Variants in ADAP2 observed in about 807,000 individuals in gnomAD.
ADAP2 encodes arf-GAP with dual PH domain-containing protein 2.
Under a neutral mutation model 54.9 loss-of-function variants are expected in ADAP2, and 42 were observed. The observed-to-expected ratio is 0.77, with a 90% CI of 0.60 to 0.99. ADAP2 has a LOEUF of 0.99. ADAP2 is among the 50% of genes least tolerant of loss of function. ADAP2 has a pLI of 0.00. For synonymous variants in ADAP2, 177 were observed against 180.1 expected, an observed-to-expected ratio of 0.98 and a Z score of 0.14; for missense variants, 429 against 480.4, an observed-to-expected ratio of 0.89 and a Z score of 1.00.
intron 6 of ADAP2, among the ~76,000 whole-genome samples, chr17:30,946,700 G>A (rs1912705326): frequency 6.6e-6 from 1 of 152,148 alleles, no homozygotes; most frequent in African/African-American, 2.4e-5. Flanking sequence ...ACTCCCCTGG[G>A]CACTGCTTTT....
intron 4 of ADAP2, among the ~76,000 whole-genome samples, chr17:30,933,469 T>TG (rs2142527732): frequency 6.6e-6 from 1 of 152,128 alleles, no homozygotes; most frequent in East Asian, 1.9e-4. Flanking sequence ...ATTACAGGTG[T>TG]GAGCCATTGC....
In ADAP2 at chr17:30,958,182, A is replaced by G; in HGVS notation, c.*313A>G. The stretch of plus-strand genomic sequence containing the variant: ...CTGAAATGGAGGCATTGCAATGAAA[A>G]GGCACCCACAGCATCATGCAAGTGG... On this transcript the variant is annotated 3_prime_UTR_variant, in exon 11 of 11. Coordinates refer to ENST00000330889, the MANE Select transcript of ADAP2 (RefSeq NM_018404.3). 2 of 366,040 alleles carry G rather than the reference A, an allele frequency of 5.5e-6. No individual in the cohort carries two copies. Among genetic ancestry groups the G allele is most frequent in the Non-Finnish European group, 1.0e-5 (2 of 199,200 alleles). 22.7% of individuals were successfully genotyped at this position (366,040 alleles called of 1,614,324 possible). A position where few individuals can be genotyped will look rare whatever the true frequency, so the allele number is the denominator to read the frequency against.
At chr17:30,944,759 C>A in intron 5 of ADAP2, 148 bp from the exon 6 acceptor site, 1 of 847,436 alleles carries the variant, frequency 1.2e-6, no homozygotes, top group Non-Finnish European at 1.8e-6. Context: ...TGCGTCCGGC[C>A]AGTATCTGAA....
At chr17:30,935,461 G>A (rs1911804571) in intron 5 of ADAP2, among the ~76,000 whole-genome samples, 1 of 152,174 alleles carries the variant, frequency 6.6e-6, no homozygotes, top group South Asian at 2.1e-4. Flanking sequence ...AGAGTGATCA[G>A]GGAAGGCCTC....
chr17:30,942,810 A>T (rs1167194561), intron 5 of ADAP2, among the ~76,000 whole-genome samples: 1 of 152,252 alleles, frequency 6.6e-6, no homozygotes, highest in Non-Finnish European at 1.5e-5. Context: ...AATGCTCAAC[A>T]TCACTAATCA....
In ADAP2 at chr17:30,944,512, T is replaced by C. The variant is rs73267729; in HGVS notation, c.511-395T>C. Among the ~76,000 whole-genome samples the C allele has an allele frequency of 1.4e-3, 207 of 152,196 alleles. 2 individuals are homozygous for C. The highest frequency in any genetic ancestry group is 4.7e-3 in the African/African-American group (195 of 41,540). On this transcript the variant is annotated intron_variant, in intron 5 of 10. Transcript: ENST00000330889. ...AATTAGCCAGGTGTGGTGGCTAGAG[T>C]GCAGTGGCACGATCTCAGCTCACTG...
rs776664165 is a variant in ADAP2, at chr17:30,934,224, A to G, written c.437A>G (p.Asn146Ser). 1.9e-6 allele frequency: 3 copies of G among 1,614,072 alleles called. No homozygotes were observed. Among genetic ancestry groups the G allele is most frequent in the Non-Finnish European group, 8.5e-7 (1 of 1,179,980 alleles). The change falls in exon 5 of 11, where the codon AAC (asparagine) becomes AGC (serine). Residue 146 changes from asparagine to serine, a missense_variant. Asn to Ser is a conservative substitution (Grantham distance 46). Transcript: ENST00000330889. ...TTCCTGTGGAAGCGAGGAAGGGACA[A>G]CTCACAGTTTCTGAGAAGGAAGTTT... ...EGFLWKRGRD[N>S]SQFLRRKFVL... is the part of the protein sequence containing the mutation.
intron 5 of ADAP2, among the ~76,000 whole-genome samples, chr17:30,938,408 C>T (rs1332424821): frequency 6.6e-6 from 1 of 152,200 alleles, no homozygotes; most frequent in Non-Finnish European, 1.5e-5. Flanking sequence ...TAACCAGGAG[C>T]TGCATTCTGT....
chr17:30,938,930 T>C (rs1912071940), intron 5 of ADAP2, among the ~76,000 whole-genome samples: 1 of 152,158 alleles, frequency 6.6e-6, no homozygotes. Context: ...CTACACATTA[T>C]ATACATGTAG....
At chr17:30,956,064 A>G (rs1334478171) in intron 9 of ADAP2, among the ~76,000 whole-genome samples, 177 bp from the exon 10 acceptor site, 1 of 152,064 alleles carries the variant, frequency 6.6e-6, no homozygotes, top group Non-Finnish European at 1.5e-5. Context: ...TTTTCAATAG[A>G]TGATGTGTAT....
At chr17:30,930,114 C>T (rs1911365483) in intron 3 of ADAP2, among the ~76,000 whole-genome samples, 1 of 151,804 alleles carries the variant, frequency 6.6e-6, no homozygotes, top group Admixed American at 6.6e-5. Context: ...CTCTTTCACC[C>T]AGGCTGGAGT....
chr17:30,947,829 C>A (rs540482837), intron 6 of ADAP2, among the ~76,000 whole-genome samples: 16 of 151,348 alleles, frequency 1.1e-4, no homozygotes, highest in South Asian at 8.3e-4. Context: ...TTTGAACAAG[C>A]CTTTAGCCTC....
In ADAP2 at chr17:30,957,863, C is replaced by T; in HGVS notation, c.1140C>T (p.Ser380=). The T allele has an allele frequency of 1.2e-6, 2 of 1,613,174 alleles. No homozygotes were observed. The highest frequency in any genetic ancestry group is 1.7e-6 in the Non-Finnish European group (2 of 1,179,630). The change falls in exon 11 of 11, where the codon AGC becomes AGT. Residue 380 remains serine (S), a synonymous_variant. Transcript: ENST00000330889. ...LTASTESGRS[S]R is the part of the protein sequence containing the mutation. ...CATCAACAGAGAGTGGCCGCAGCAG[C>T]AGGTGACCCATTAACTGAGGAACTG...
At position 30,956,391 on chromosome 17, in the gene ADAP2, A is replaced by G. The variant is rs1447482477; in HGVS notation, c.1033A>G (p.Ser345Gly). ...PERRFVLTCPSEKEQQEWLES... is the reference protein window; with the variant it reads ...PERRFVLTCPGEKEQQEWLES... ...GCGGAGATTTGTCCTCACTTGCCCC[A>G]GTGAGAAGGAACAGCAGGAATGGCT... is the stretch of plus-strand genomic sequence containing the variant. Residue 345 changes from serine (S) to glycine (G), a missense_variant, in exon 10 of 11, where the codon AGT (serine) becomes GGT (glycine). Coordinates refer to ENST00000330889, the MANE Select transcript of ADAP2 (RefSeq NM_018404.3). 1.9e-6 allele frequency: 3 copies of G among 1,614,212 alleles called. No individual in the cohort carries two copies. Among genetic ancestry groups the G allele is most frequent in the South Asian group, 1.1e-5 (1 of 91,088 alleles).
intron 3 of ADAP2, among the ~76,000 whole-genome samples, chr17:30,928,063 T>C (rs1911195574): frequency 6.7e-6 from 1 of 149,808 alleles, no homozygotes; most frequent in South Asian, 2.1e-4. Context: ...ATGCGGTGGC[T>C]CATGCCTGTA....
chr17:30,944,800 C>A, intron 5 of ADAP2, 107 bp from the exon 6 acceptor site: 1 of 1,151,676 alleles, frequency 8.7e-7, no homozygotes, highest in Admixed American at 2.2e-5. Context: ...CATTTAAAAC[C>A]CATATATTTA....
At chr17:30,940,364 GCACGATCTCGGCT>G (rs1912184422) in intron 5 of ADAP2, among the ~76,000 whole-genome samples, 2 of 151,538 alleles carry the variant, frequency 1.3e-5, no homozygotes, top group Admixed American at 1.3e-4. Flanking sequence ...GAGTACAGTG[GCACGATCTCGGCT>G]CACTGCAACC....
At chr17:30,945,936 G>T (rs898631526) in intron 6 of ADAP2, among the ~76,000 whole-genome samples, 7 of 151,122 alleles carry the variant, frequency 4.6e-5, no homozygotes, top group African/African-American at 1.7e-4. Flanking sequence ...GGCGGATCAC[G>T]AGGTCAGGAG....
At chr17:30,944,106 C>T (rs1016032070) in intron 5 of ADAP2, among the ~76,000 whole-genome samples, 13 of 151,862 alleles carry the variant, frequency 8.6e-5, no homozygotes, top group Non-Finnish European at 1.6e-4. Flanking sequence ...GCAGGAGAAT[C>T]GCTTGAACCT....
Sources: gnomAD v4.1 joint callset for allele counts (sites outside exome capture counted in the v4.1 genomes callset) on GRCh38, gnomAD v4.1.1 for gene constraint, MANE v1.5 for transcripts, NCBI Gene and HGNC (gene_info 2026-07-23, HGNC 2026-07-21) for gene names.